Variants in PATJ observed in about 807,000 individuals in gnomAD.
The protein encoded by PATJ is inaD-like protein.
A neutral mutation model predicts 224.9 loss-of-function variants in PATJ; 190 were observed. That is an observed-to-expected ratio of 0.84 (90% CI 0.75 to 0.95). The LOEUF (loss-of-function observed/expected upper bound fraction) is 0.95, where lower values mean the gene tolerates loss of function less well. Among genes scored for constraint, PATJ ranks in the 40% least tolerant of loss-of-function variants. The pLI is 0.00. For synonymous variants in PATJ, 769 were observed against 820.3 expected (o/e 0.94, Z 1.07); for missense variants, 2,121 against 2,270.3 (o/e 0.93, Z 1.34).
intron 24 of PATJ, among the ~76,000 whole-genome samples, chr1:61,901,904 A>C (rs948259784): frequency 1.2e-4 from 18 of 152,190 alleles, no homozygotes; most frequent in Admixed American, 2.0e-4. Context: ...TTCGCACCGG[A>C]TACGCTCTGT....
intron 30 of PATJ, among the ~76,000 whole-genome samples, chr1:62,042,616 T>G (rs1651726859): frequency 6.6e-6 from 1 of 152,188 alleles, no homozygotes; most frequent in South Asian, 2.1e-4. Flanking sequence ...GTATCTCATA[T>G]TTATTTCTTT....
At chr1:61,933,404 G>A (rs1184180132) in intron 27 of PATJ, among the ~76,000 whole-genome samples, 1 of 152,004 alleles carries the variant, frequency 6.6e-6, no homozygotes, top group Non-Finnish European at 1.5e-5. Context: ...GCTGGGCGTA[G>A]TGGCGGGCTC....
chr1:62,052,805 G>C (rs1213960827), intron 31 of PATJ, among the ~76,000 whole-genome samples: 11 of 151,798 alleles, frequency 7.2e-5, no homozygotes, highest in Admixed American at 7.2e-4. Context: ...CTTTCCAAAA[G>C]GTAGAGTGCA....
chr1:61,901,504 G>C, intron 24 of PATJ, 45 bp downstream of exon 24: 1 of 1,354,796 alleles, frequency 7.4e-7, no homozygotes, highest in Non-Finnish European at 1.0e-6. Flanking sequence ...CATACGGTAA[G>C]ACAGTGAAAT....
At chr1:61,839,506 T>A (rs1660740819) in intron 17 of PATJ, among the ~76,000 whole-genome samples, 1 of 151,980 alleles carries the variant, frequency 6.6e-6, no homozygotes, top group South Asian at 2.1e-4. Flanking sequence ...AGTCCAAGAG[T>A]CTGTAATTTT....
At chr1:62,140,879 AC>A (rs977801072) in intron 41 of PATJ, among the ~76,000 whole-genome samples, 8 of 151,896 alleles carry the variant, frequency 5.3e-5, no homozygotes, top group African/African-American at 1.9e-4. Flanking sequence ...ACTGCACTCC[AC>A]CCTGGGTGAG....
chr1:61,808,691 AT>A (rs893025675), intron 14 of PATJ, among the ~76,000 whole-genome samples, 161 bp downstream of exon 14: 1 of 152,212 alleles, frequency 6.6e-6, no homozygotes, highest in East Asian at 1.9e-4. Flanking sequence ...AACTCGGCCC[AT>A]TTTTTTATCG....
intron 42 of PATJ, 60 bp downstream of exon 42, chr1:62,148,450 T>G: frequency 8.1e-7 from 1 of 1,230,256 alleles, no homozygotes; most frequent in Non-Finnish European, 1.2e-6. Flanking sequence ...GAAGAACTTT[T>G]CCAGACACTC....
At chr1:61,829,725 C>T (rs1658972991) in intron 16 of PATJ, among the ~76,000 whole-genome samples, 1 of 152,082 alleles carries the variant, frequency 6.6e-6, no homozygotes, top group Non-Finnish European at 1.5e-5. Flanking sequence ...GGCTCTTTTT[C>T]CATCTGTCTC....
At chr1:61,905,592 A>G (rs1671743715) in intron 24 of PATJ, among the ~76,000 whole-genome samples, 1 of 152,182 alleles carries the variant, frequency 6.6e-6, no homozygotes, top group Non-Finnish European at 1.5e-5. Context: ...ATAAGTCTAC[A>G]TTTCTGTAGG....
chr1:61,771,416 T>C lies in PATJ; in HGVS notation c.525-15T>C. ...ATTAGATCACTTAAAAAATTTCTTT[T>C]CTTACATGATTAAGGGATCAAAGAT... On this transcript the variant is annotated splice_polypyrimidine_tract_variant and intron_variant, in intron 5 of 43. Coordinates refer to ENST00000642238, the MANE Select transcript of PATJ (RefSeq NM_001350145.3). 1.3e-6 allele frequency: 2 copies of C among 1,525,578 alleles called. No homozygotes were observed. Among genetic ancestry groups the C allele is most frequent in the Non-Finnish European group, 1.8e-6 (2 of 1,137,826 alleles). The allele number at this position is 1,525,578 out of a possible 1,614,324, so 94.5% of individuals were successfully genotyped here.
intron 15 of PATJ, among the ~76,000 whole-genome samples, chr1:61,824,711 C>T (rs1161985826): frequency 2.0e-5 from 3 of 152,162 alleles, no homozygotes; most frequent in Non-Finnish European, 2.9e-5. Flanking sequence ...AGTCATTAGC[C>T]ACCATGCCTG....
intron 1 of PATJ, among the ~76,000 whole-genome samples, chr1:61,750,403 T>C (rs1570238239): frequency 6.6e-6 from 1 of 151,232 alleles, no homozygotes; most frequent in Non-Finnish European, 1.5e-5. Flanking sequence ...GCAGGGCTTC[T>C]GCCTGGTATC....
At chr1:61,943,882 G>A (rs558174354) in intron 27 of PATJ, among the ~76,000 whole-genome samples, 67 of 152,256 alleles carry the variant, frequency 4.4e-4, no homozygotes, top group Admixed American at 1.7e-3. Flanking sequence ...CCTCTGAGAC[G>A]AAGCTTCCAG....
At chr1:61,950,922 G>A (rs890039404) in intron 27 of PATJ, among the ~76,000 whole-genome samples, 10 of 152,198 alleles carry the variant, frequency 6.6e-5, no homozygotes, top group Admixed American at 3.3e-4. Flanking sequence ...CCAGGCGGGC[G>A]GATCACCTGA....
chr1:61,915,440 TTA>T (rs2149238109), intron 26 of PATJ, among the ~76,000 whole-genome samples: 1 of 152,306 alleles, frequency 6.6e-6, no homozygotes, highest in East Asian at 1.9e-4. Flanking sequence ...GCACTTTCTT[TTA>T]TATGTTTCTT....
chr1:61,824,551 G>A (rs1313767636), intron 15 of PATJ, among the ~76,000 whole-genome samples: 2 of 150,546 alleles, frequency 1.3e-5, no homozygotes, highest in Non-Finnish European at 2.9e-5. Flanking sequence ...TCAACCTCCC[G>A]AGTAGCTAGG....
chr1:62,058,281 C>T (rs569495683), intron 31 of PATJ, among the ~76,000 whole-genome samples: 3 of 152,110 alleles, frequency 2.0e-5, no homozygotes, highest in Non-Finnish European at 2.9e-5. Flanking sequence ...TGCAGCTGAC[C>T]GTGCATTTTA....
chr1:61,847,712 C>T (rs1328936298), intron 17 of PATJ, among the ~76,000 whole-genome samples: 1 of 152,178 alleles, frequency 6.6e-6, no homozygotes, highest in Non-Finnish European at 1.5e-5. Flanking sequence ...ACATTTATTT[C>T]TCTTTCCCAA....
Sources: gnomAD v4.1 joint callset for allele counts (sites outside exome capture counted in the v4.1 genomes callset) on GRCh38, gnomAD v4.1.1 for gene constraint, MANE v1.5 for transcripts, NCBI Gene and HGNC (gene_info 2026-07-23, HGNC 2026-07-21) for gene names.